WBP2NL: variants seen among roughly 807,000 people sequenced by gnomAD.
WBP2NL encodes the protein postacrosomal sheath WW domain-binding protein.
In WBP2NL, 27 loss-of-function variants were observed where a neutral mutation model predicts 23.3. That is an observed-to-expected ratio of 1.16 (90% CI 0.85 to 1.60). The LOEUF (loss-of-function observed/expected upper bound fraction) is 1.60, where lower values mean the gene tolerates loss of function less well. Ranked by LOEUF, WBP2NL falls within the 40% of genes most tolerant of loss-of-function variation. The pLI, the probability that WBP2NL is intolerant of heterozygous loss-of-function variation, is 0.00. For missense variants in WBP2NL, 370 were observed against 389.5 expected (o/e 0.95, Z 0.42); for synonymous variants, 151 against 145.9 (o/e 1.03, Z -0.25).
intron 8 of WBP2NL, among the ~76,000 whole-genome samples, chr22:42,043,696 A>G (rs1925481378): frequency 6.6e-6 from 1 of 151,842 alleles, no homozygotes. Flanking sequence ...TCTTTCAACA[A>G]TCTTTGACAC....
At chr22:42,001,768 C>G (rs1602434859) in intron 1 of WBP2NL, 1 of 1,191,380 alleles carries the variant, frequency 8.4e-7, no homozygotes, top group East Asian at 2.3e-5. Flanking sequence ...CAGGACAGGA[C>G]TCCGTGCTCC....
intron 8 of WBP2NL, among the ~76,000 whole-genome samples, chr22:42,049,705 C>CAAAAAAAAAAAAAAAAAAA (rs1158837575): frequency 2.7e-5 from 1 of 37,476 alleles, no homozygotes; most frequent in Non-Finnish European, 4.9e-5. Context: ...CAAAACAAAA[C>CAAAAAAAAAAAAAAAAAAA]AAAAAAAAAA....
chr22:42,032,837 G>T (rs1602473273), downstream of WBP2NL: 1 of 334,422 alleles, frequency 3.0e-6, no homozygotes, highest in Admixed American at 4.2e-5. Context: ...AGTTTGATTA[G>T]TTTAGATGTA....
chr22:42,023,923 T>G (rs949745976), intron 5 of WBP2NL, among the ~76,000 whole-genome samples: 2 of 152,160 alleles, frequency 1.3e-5, no homozygotes, highest in East Asian at 1.9e-4. Context: ...GGATTACAGG[T>G]GTAAGCCACA....
downstream of WBP2NL, among the ~76,000 whole-genome samples, chr22:42,035,178 TAATA>T (rs1925134247): frequency 6.6e-6 from 1 of 152,280 alleles, no homozygotes; most frequent in Non-Finnish European, 1.5e-5. Context: ...TTTGGGGAAC[TAATA>T]AATGTCCATA....
chr22:42,012,060 G>C (rs1922873437), intron 1 of WBP2NL, among the ~76,000 whole-genome samples: 1 of 151,998 alleles, frequency 6.6e-6, no homozygotes, highest in South Asian at 2.1e-4. Context: ...TACAGGCTGA[G>C]CCACCATGCC....
At chr22:42,056,173 C>T (rs1330536223) in intron 8 of WBP2NL, among the ~76,000 whole-genome samples, 1 of 151,910 alleles carries the variant, frequency 6.6e-6, no homozygotes, top group Non-Finnish European at 1.5e-5. Context: ...CATATATTTA[C>T]TAGATTTTTA....
At chr22:42,055,341 A>G (rs1283472006) in intron 8 of WBP2NL, among the ~76,000 whole-genome samples, 1 of 152,060 alleles carries the variant, frequency 6.6e-6, no homozygotes, top group African/African-American at 2.4e-5. Context: ...AGCCTGGCTA[A>G]TTTTTGTATT....
At chr22:42,037,620 T>G (rs925177058), downstream of WBP2NL, among the ~76,000 whole-genome samples, 1 of 152,176 alleles carries the variant, frequency 6.6e-6, no homozygotes, top group African/African-American at 2.4e-5. Flanking sequence ...TTATTCCATT[T>G]ATTTGTGTCA....
chr22:42,009,209 G>C (rs1290661783), intron 1 of WBP2NL, among the ~76,000 whole-genome samples: 3 of 152,140 alleles, frequency 2.0e-5, no homozygotes, highest in Non-Finnish European at 4.4e-5. Flanking sequence ...ACATACTCTA[G>C]ATATTAAGCC....
At position 42,018,749 on chromosome 22, in the gene WBP2NL, T is replaced by C. The variant is rs536557946; in HGVS notation, c.63-562T>C. ...AGAATTAATGAACACACATTGAGAA[T>C]AGGAGTAGGTTTGACAAGAAAAAGA... On this transcript the variant is annotated intron_variant, in intron 1 of 5. Transcript: ENST00000328823. Among the ~76,000 whole-genome samples, 41 of 152,046 alleles carry C rather than the reference T, an allele frequency of 2.7e-4. No homozygotes were observed. The South Asian group carries it at 2.9e-3, about 11-fold the overall frequency.
intron 1 of WBP2NL, among the ~76,000 whole-genome samples, chr22:42,016,546 T>C (rs1014438511): frequency 2.6e-5 from 4 of 152,244 alleles, no homozygotes; most frequent in Admixed American, 6.5e-5. Flanking sequence ...TACTGAGATT[T>C]GGCTTTTTAA....
At chr22:42,022,401 G>T in intron 5 of WBP2NL, 45 bp downstream of exon 5, 1 of 1,517,258 alleles carries the variant, frequency 6.6e-7, no homozygotes, top group Non-Finnish European at 9.0e-7. Context: ...GGAAAATTAT[G>T]CCAGAGGCTC....
At chr22:42,025,883 A>G (rs970823717) in intron 5 of WBP2NL, among the ~76,000 whole-genome samples, 1 of 152,238 alleles carries the variant, frequency 6.6e-6, no homozygotes, top group African/African-American at 2.4e-5. Context: ...TCATCTATCC[A>G]TATGATGAAA....
At chr22:42,001,143 A>G (rs1041536679) in intron 1 of WBP2NL, 13 of 975,916 alleles carry the variant, frequency 1.3e-5, no homozygotes, top group South Asian at 2.6e-5. Flanking sequence ...ACACTGGACC[A>G]TGCACCCTTG....
At position 42,049,705 on chromosome 22, in the gene WBP2NL, C is replaced by CAAAAAAAAA. The variant is rs1158837575; in HGVS notation, c.*274-8567_*274-8559dup. 3.8e-3 allele frequency among the ~76,000 whole-genome samples: 141 copies of CAAAAAAAAA among 37,500 alleles called. 2 individuals are homozygous for CAAAAAAAAA. The highest frequency in any genetic ancestry group is 4.5e-3 in the Non-Finnish European group (92 of 20,406). The allele number at this position is 37,500 out of a possible 152,430, so 24.6% of individuals were successfully genotyped here. On this transcript the variant is annotated intron_variant and NMD_transcript_variant, in intron 8 of 8. Transcript: ENST00000436265. Reference sequence around the variant, plus strand: ...ACTCCGTCTCCAAAACAAAACAAAACAAAAAAAAAAAAAAAAAAAAAAAAA... The same window carrying CAAAAAAAAA: ...ACTCCGTCTCCAAAACAAAACAAAACAAAAAAAAAAAAAAAAAAAAAAAAAAAAAAAAAA...
chr22:42,007,589 C>T (rs925913581), intron 1 of WBP2NL, among the ~76,000 whole-genome samples: 2 of 152,118 alleles, frequency 1.3e-5, no homozygotes, highest in African/African-American at 4.8e-5. Context: ...TAGTAACAAC[C>T]ATTCTACTTT....
intron 5 of WBP2NL, among the ~76,000 whole-genome samples, chr22:42,023,061 A>C (rs188997845): frequency 4.6e-5 from 7 of 152,360 alleles, no homozygotes; most frequent in Admixed American, 2.0e-4. Context: ...CAGTTGGTGA[A>C]ATTCACATAA....
intron 8 of WBP2NL, among the ~76,000 whole-genome samples, chr22:42,054,939 C>T (rs1925977793): frequency 6.6e-6 from 1 of 152,198 alleles, no homozygotes; most frequent in South Asian, 2.1e-4. Context: ...TATTTCTGGA[C>T]TCTCAACTGT....
Sources: allele counts gnomAD v4.1 joint callset (sites outside exome capture counted in the v4.1 genomes callset), GRCh38; gene constraint gnomAD v4.1.1; transcripts MANE v1.5; gene names NCBI Gene and HGNC (gene_info 2026-07-23, HGNC 2026-07-21).